HDAC4: variants seen among roughly 807,000 people sequenced by gnomAD.
HDAC4 encodes the protein histone deacetylase 4, also known as histone deacetylase A.
In HDAC4, 16 loss-of-function variants were observed where a neutral mutation model predicts 135.1. The ratio of observed to expected loss-of-function variants is 0.12; its 90% CI spans 0.08 to 0.18. The LOEUF (loss-of-function observed/expected upper bound fraction) is 0.18, where lower values mean the gene tolerates loss of function less well. Among genes scored for constraint, HDAC4 ranks in the 10% least tolerant of loss-of-function variants. HDAC4 has a pLI of 1.00. For missense variants in HDAC4, 1,143 were observed against 1,511.8 expected, an observed-to-expected ratio of 0.76 and a Z score of 4.05; for synonymous variants, 685 against 653.4, an observed-to-expected ratio of 1.05 and a Z score of -0.74.
At chr2:239,276,169 G>A (rs182143563) in intron 2 of HDAC4, among the ~76,000 whole-genome samples, 2 of 152,220 alleles carry the variant, frequency 1.3e-5, no homozygotes, top group East Asian at 1.9e-4. Flanking sequence ...TGGTGGCAAC[G>A]CAGAGAACCT....
chr2:239,206,399 C>T (rs2046052175), intron 3 of HDAC4, among the ~76,000 whole-genome samples: 1 of 151,762 alleles, frequency 6.6e-6, no homozygotes, highest in Non-Finnish European at 1.5e-5. Flanking sequence ...TACGTGCACA[C>T]ACACACACAC....
intron 3 of HDAC4, among the ~76,000 whole-genome samples, chr2:239,197,847 T>TTGTGTGTGTGTGTGTGTGTGTGTG (rs368801140): frequency 1.5e-4 from 21 of 140,216 alleles, no homozygotes; most frequent in South Asian, 4.9e-4. Context: ...CACTAAAAGT[T>TTGTGTGTGTGTGTGTGTGTGTGTG]TGTGTGTGTG....
intron 3 of HDAC4, among the ~76,000 whole-genome samples, chr2:239,202,255 T>C (rs1344509975): frequency 6.6e-6 from 1 of 152,194 alleles, no homozygotes; most frequent in Non-Finnish European, 1.5e-5. Flanking sequence ...ATGGTATTTG[T>C]CAGGAAAGCC....
intron 2 of HDAC4, among the ~76,000 whole-genome samples, chr2:239,264,451 G>A (rs1252359696): frequency 6.6e-6 from 1 of 152,266 alleles, no homozygotes; most frequent in African/African-American, 2.4e-5. Flanking sequence ...ACACATGAAG[G>A]TCGCTGGGCA....
rs1283074438 is a variant in HDAC4, at chr2:239,373,682, T to C, written c.-219-20764A>G. On this transcript the variant is annotated intron_variant, in intron 1 of 26. Coordinates refer to ENST00000543185, the MANE Select transcript of HDAC4 (RefSeq NM_001378414.1). ...TTTCACCATGCAGGTCAGGCTGATC[T>C]TGAACTCCCGACCTCAGGTGATCCG... 2.6e-5 allele frequency among the ~76,000 whole-genome samples: 4 copies of C among 152,224 alleles called. No homozygotes were observed. In the East Asian group the frequency reaches 5.8e-4, roughly 22 times the overall value.
At chr2:239,246,811 C>T (rs1047775189) in intron 2 of HDAC4, among the ~76,000 whole-genome samples, 18 of 152,258 alleles carry the variant, frequency 1.2e-4, no homozygotes, top group African/African-American at 3.6e-4. Context: ...AAAATGTCCT[C>T]GCCTGCCTTT....
chr2:239,348,374 A>G (rs1326250035), intron 2 of HDAC4, among the ~76,000 whole-genome samples: 4 of 152,210 alleles, frequency 2.6e-5, no homozygotes, highest in African/African-American at 9.7e-5. Context: ...AACATTCCGG[A>G]AGGGAAAGTA....
At chr2:239,302,588 A>G (rs1016361498) in intron 2 of HDAC4, among the ~76,000 whole-genome samples, 8 of 152,222 alleles carry the variant, frequency 5.3e-5, no homozygotes, top group African/African-American at 1.9e-4. Flanking sequence ...CCCCTCTTCC[A>G]GCGACACAGT....
intron 22 of HDAC4, among the ~76,000 whole-genome samples, chr2:239,073,190 C>G (rs1429662586): frequency 1.3e-5 from 2 of 152,208 alleles, no homozygotes; most frequent in Admixed American, 6.5e-5. Flanking sequence ...ACAGGAGACC[C>G]TGGGTGGCTT....
At chr2:239,059,521 CTT>C (rs1251547834) in intron 24 of HDAC4, among the ~76,000 whole-genome samples, 4 of 152,158 alleles carry the variant, frequency 2.6e-5, no homozygotes, top group African/African-American at 7.2e-5. Flanking sequence ...ACTGGGGACA[CTT>C]AACTCTTGCC....
intron 19 of HDAC4, among the ~76,000 whole-genome samples, chr2:239,084,459 G>GCA (rs1491342004): frequency 1.1e-4 from 8 of 73,134 alleles, no homozygotes; most frequent in African/African-American, 2.5e-4. Flanking sequence ...TCACACGCGT[G>GCA]CGCGCGCACA....
At chr2:239,230,900 TC>T (rs2047514403) in intron 3 of HDAC4, among the ~76,000 whole-genome samples, 1 of 152,100 alleles carries the variant, frequency 6.6e-6, no homozygotes, top group Non-Finnish European at 1.5e-5. Flanking sequence ...ACAAAACACA[TC>T]TAGGAGGCAG....
In HDAC4 at chr2:239,247,511, G is replaced by A. The variant is rs142953677; in HGVS notation, c.23-10847C>T. Among the ~76,000 whole-genome samples the A allele has an allele frequency of 2.0e-3, 303 of 152,310 alleles. 2 individuals carry two copies. The highest frequency in any genetic ancestry group is 7.0e-3 in the African/African-American group (290 of 41,554). On this transcript the variant is annotated intron_variant, in intron 2 of 26. Coordinates refer to ENST00000543185, the MANE Select transcript of HDAC4 (RefSeq NM_001378414.1). ...CCCGCTTCACCTTTGCTTCAGTGCC[G>A]CAGCCGGGGCCCGTGCCCTCCACGC...
rs149620662 is a variant in HDAC4 at position 239,066,782 on chromosome 2, G to A, written c.2943C>T (p.His981=). Residue 981 remains histidine (H), a synonymous_variant, in exon 24 of 27, where the codon CAC becomes CAT. Transcript: ENST00000543185. ...GRIVLALEGG[H]DLTAICDASE... ...AGGCGTCGCAAATGGCGGTCAGGTC[G>A]TGGCCTCCCTCGAGGGCCAGGACAA... 2.0e-5 allele frequency: 32 copies of A among 1,613,814 alleles called. 1 individual carries two copies. The highest frequency in any genetic ancestry group is 6.6e-5 in the South Asian group (6 of 91,080).
intron 16 of HDAC4, among the ~76,000 whole-genome samples, chr2:239,100,345 C>G (rs185846424): frequency 5.9e-5 from 9 of 152,346 alleles, no homozygotes; most frequent in Admixed American, 2.0e-4. Context: ...ATGACATCAC[C>G]GTATCTTCCA....
rs1398046924 is a variant in HDAC4, at chr2:239,349,568, AGCGAGTGGG to A, written c.22+3101_22+3109del. ...ATGGAGCTGCTTGGGAAGGCACACA[AGCGAGTGGG>A]CCTCGCCCAGGAGGGAGGGCACGGT... On this transcript the variant is annotated intron_variant, in intron 2 of 26. Transcript: ENST00000543185. This position sits in a 1 kb window ranked among gnomAD's most constrained non-coding sequence, Gnocchi z 5.7. Among the ~76,000 whole-genome samples the A allele has an allele frequency of 9.2e-5, 14 of 152,198 alleles. No individual in the cohort carries two copies. Among genetic ancestry groups the A allele is most frequent in the Admixed American group, 9.2e-4 (14 of 15,288 alleles).
intron 8 of HDAC4, among the ~76,000 whole-genome samples, chr2:239,140,627 C>T (rs562779907): frequency 6.2e-4 from 95 of 152,330 alleles, no homozygotes; most frequent in Non-Finnish European, 1.1e-3. Flanking sequence ...CCATTTGCCT[C>T]GAGAACTCTA....
chr2:239,386,160 A>G (rs1695791069), intron 1 of HDAC4, among the ~76,000 whole-genome samples: 2 of 151,630 alleles, frequency 1.3e-5, no homozygotes, highest in Non-Finnish European at 2.9e-5. Flanking sequence ...AGCACAGGGA[A>G]GAGAGGCTGG....
chr2:239,174,339 C>T (rs1009883978), intron 5 of HDAC4, among the ~76,000 whole-genome samples: 2 of 152,014 alleles, frequency 1.3e-5, no homozygotes, highest in African/African-American at 4.8e-5. Context: ...AGGGAGACCT[C>T]GCATCAGAAA....
Sources: gnomAD v4.1 joint callset for allele counts (sites outside exome capture counted in the v4.1 genomes callset) on GRCh38, gnomAD v4.1.1 for gene constraint, Gnocchi (gnomAD v3.1) non-coding constraint, MANE v1.5 for transcripts, NCBI Gene and HGNC (gene_info 2026-07-23, HGNC 2026-07-21) for gene names.